Variants in PRKRIP1 observed in about 807,000 individuals in gnomAD.
PRKRIP1 encodes PRKR interacting protein 1, also known as PRKR-interacting protein 1.
A neutral mutation model predicts 29.3 loss-of-function variants in PRKRIP1; 29 were observed. That is an observed-to-expected ratio of 0.99 (90% confidence interval 0.74 to 1.35). The LOEUF (loss-of-function observed/expected upper bound fraction) is 1.35. Among genes scored for constraint, PRKRIP1 ranks in the 40% most tolerant of loss-of-function variants. The pLI, the probability that PRKRIP1 is intolerant of heterozygous loss-of-function variation, is 0.00. For synonymous variants in PRKRIP1, 90 were observed against 85.1 expected (o/e 1.06, Z -0.32); for missense variants, 247 against 236.8 (o/e 1.04, Z -0.28).
At chr7:102,415,518 G>A (rs1344740926) in intron 5 of PRKRIP1, among the ~76,000 whole-genome samples, 1 of 152,240 alleles carries the variant, frequency 6.6e-6, no homozygotes, top group African/African-American at 2.4e-5. Flanking sequence ...TTACAGGCGT[G>A]AGCCACCGCA....
At chr7:102,398,875 A>G (rs1228083758) in intron 2 of PRKRIP1, among the ~76,000 whole-genome samples, 2 of 152,186 alleles carry the variant, frequency 1.3e-5, no homozygotes, top group Non-Finnish European at 2.9e-5. Flanking sequence ...CGTGCCTGTA[A>G]TCCCAGCACT....
chr7:102,398,259 T>C (rs1795969023), intron 2 of PRKRIP1, among the ~76,000 whole-genome samples: 1 of 151,654 alleles, frequency 6.6e-6, no homozygotes, highest in Non-Finnish European at 1.5e-5. Flanking sequence ...TCCTGCAGTA[T>C]TGCGGTTTTT....
intron 1 of PRKRIP1, 62 bp from the exon 2 acceptor site, chr7:102,397,558 G>C: frequency 7.6e-7 from 1 of 1,320,744 alleles, no homozygotes; most frequent in East Asian, 2.3e-5. Context: ...AAAAAAGAGA[G>C]GGAGATATAT....
At chr7:102,403,837 G>C (rs1563614141) in intron 3 of PRKRIP1, among the ~76,000 whole-genome samples, 1 of 152,198 alleles carries the variant, frequency 6.6e-6, no homozygotes, top group Non-Finnish European at 1.5e-5. Flanking sequence ...TTAGCAGCAG[G>C]TCATGGCAGC....
chr7:102,417,724 C>A (rs989349665), intron 5 of PRKRIP1, among the ~76,000 whole-genome samples: 3 of 149,378 alleles, frequency 2.0e-5, no homozygotes, highest in Non-Finnish European at 4.4e-5. Context: ...CTCAAACAAT[C>A]CTCTCGCCTC....
intron 5 of PRKRIP1, among the ~76,000 whole-genome samples, chr7:102,416,559 CT>C (rs1554573143): frequency 6.6e-6 from 1 of 152,082 alleles, no homozygotes; most frequent in Non-Finnish European, 1.5e-5. Context: ...TGGGATTGGT[CT>C]GATTTTCTCA....
At chr7:102,400,447 C>T (rs782483077) in intron 3 of PRKRIP1, among the ~76,000 whole-genome samples, 1 of 151,932 alleles carries the variant, frequency 6.6e-6, no homozygotes, top group Non-Finnish European at 1.5e-5. Flanking sequence ...AAGCCTTGCA[C>T]GAAAGAGACC....
intron 5 of PRKRIP1, among the ~76,000 whole-genome samples, chr7:102,410,196 C>T (rs941684800): frequency 2.0e-5 from 3 of 152,114 alleles, no homozygotes; most frequent in Non-Finnish European, 4.4e-5. Flanking sequence ...CAGAGGCGAG[C>T]GGTCAGGGCC....
intron 5 of PRKRIP1, 76 bp downstream of exon 5, chr7:102,407,574 C>T: frequency 1.8e-6 from 2 of 1,120,262 alleles, no homozygotes; most frequent in Non-Finnish European, 1.4e-6. Context: ...TCAGGAAACA[C>T]AGGGACGGAG....
At position 102,424,046 on chromosome 7, in the gene PRKRIP1, A is replaced by C. The variant is rs550930851; in HGVS notation, c.458-968A>C. ...GGATGCCCCAAATTAATGAAACTAA[A>C]TCTTCCAGATGCTTTCGCCAGCGCC... is the stretch of plus-strand genomic sequence containing the variant. On this transcript the variant is annotated intron_variant, in intron 5 of 5. Coordinates refer to ENST00000397912, the MANE Select transcript of PRKRIP1 (RefSeq NM_024653.4). Among the ~76,000 whole-genome samples, 25 of 152,364 alleles carry C rather than the reference A, an allele frequency of 1.6e-4. No homozygotes were observed. In the South Asian group the frequency reaches 2.7e-3, roughly 16 times the overall value.
chr7:102,404,337 G>T (rs957836577), intron 3 of PRKRIP1: 15 of 362,066 alleles, frequency 4.1e-5, no homozygotes, highest in Non-Finnish European at 7.7e-5. Flanking sequence ...ACTCCCTCCT[G>T]TATTGTCTCC....
intron 5 of PRKRIP1, among the ~76,000 whole-genome samples, chr7:102,422,699 A>G (rs1463748356): frequency 2.6e-5 from 4 of 151,818 alleles, no homozygotes; most frequent in Admixed American, 2.0e-4. Flanking sequence ...CTGGTCTCAC[A>G]CTCCTGACCT....
chr7:102,414,158 C>T (rs193248002), intron 5 of PRKRIP1, among the ~76,000 whole-genome samples: 194 of 151,952 alleles, frequency 1.3e-3, no homozygotes, highest in African/African-American at 4.5e-3. Flanking sequence ...ACCCAGGAGA[C>T]GGTGGTTGCA....
intron 4 of PRKRIP1, chr7:102,405,819 C>T (rs1259945029): frequency 1.5e-5 from 3 of 198,726 alleles, no homozygotes; most frequent in African/African-American, 7.1e-5. Flanking sequence ...GTTTATTGAT[C>T]AGAATAGGAA....
At chr7:102,415,986 C>T (rs1198568620) in intron 5 of PRKRIP1, among the ~76,000 whole-genome samples, 1 of 152,368 alleles carries the variant, frequency 6.6e-6, no homozygotes, top group East Asian at 1.9e-4. Flanking sequence ...ACTCTGTTCA[C>T]GCCGCCTGAC....
chr7:102,418,694 T>C (rs1335123938), intron 5 of PRKRIP1, among the ~76,000 whole-genome samples: 1 of 152,106 alleles, frequency 6.6e-6, no homozygotes, highest in African/African-American at 2.4e-5. Context: ...GCTTAATTGC[T>C]CAATGCCAGC....
At position 102,425,004 on chromosome 7, in the gene PRKRIP1, G is replaced by T; in HGVS notation, c.458-10G>T. 1.2e-6 allele frequency: 2 copies of T among 1,608,600 alleles called. No homozygotes were observed. Among genetic ancestry groups the T allele is most frequent in the Non-Finnish European group, 1.7e-6 (2 of 1,178,198 alleles). ...TGCATGTCTGTAATTTGAATGTCGTGTGGTTACAGGACCCGGTCAGCCCAA... is the reference window on the plus strand; with the variant it reads ...TGCATGTCTGTAATTTGAATGTCGTTTGGTTACAGGACCCGGTCAGCCCAA... On this transcript the variant is annotated splice_polypyrimidine_tract_variant and intron_variant, in intron 5 of 5. Transcript: ENST00000397912.
At chr7:102,418,083 T>G (rs1242424401) in intron 5 of PRKRIP1, among the ~76,000 whole-genome samples, 1 of 150,982 alleles carries the variant, frequency 6.6e-6, no homozygotes, top group Non-Finnish European at 1.5e-5. Flanking sequence ...GTTTCACTCT[T>G]TGTTTGCCCA....
Position 102,396,407 on chromosome 7 carries a change from C to T in PRKRIP1, c.-5C>T. ...GCCGCTCGCTTGTGAAACTGGAAGG[C>T]TGCCATGGCTAGCCCAGCCGCCTCC... On this transcript the variant is annotated 5_prime_UTR_variant, in exon 1 of 6. Transcript: ENST00000397912. 1 of 1,554,176 alleles carries T rather than the reference C, an allele frequency of 6.4e-7. No homozygotes were observed. The highest frequency in any genetic ancestry group is 8.6e-7 in the Non-Finnish European group (1 of 1,157,036).
Sources: gnomAD v4.1 joint callset for allele counts (sites outside exome capture counted in the v4.1 genomes callset) on GRCh38, gnomAD v4.1.1 for gene constraint, MANE v1.5 for transcripts, NCBI Gene and HGNC (gene_info 2026-07-23, HGNC 2026-07-21) for gene names.